The following RALGPS1 variants were observed in gnomAD, a reference collection of about 807,000 sequenced individuals.
The protein encoded by RALGPS1 is ras-specific guanine nucleotide-releasing factor RalGPS1.
RALGPS1 carries 19 observed loss-of-function variants against 78.8 expected under a neutral mutation model. That is an observed-to-expected ratio of 0.24 (90% CI 0.17 to 0.35). The LOEUF is 0.35. Among genes scored for constraint, RALGPS1 ranks in the 10% least tolerant of loss-of-function variants. RALGPS1 has a pLI of 1.00. For missense variants in RALGPS1, 454 were observed against 688.3 expected, an observed-to-expected ratio of 0.66 and a Z score of 3.81; for synonymous variants, 228 against 256.3, an observed-to-expected ratio of 0.89 and a Z score of 1.06.
At chr9:126,974,120 A>C (rs1427897796) in intron 3 of RALGPS1, among the ~76,000 whole-genome samples, 1 of 152,198 alleles carries the variant, frequency 6.6e-6, no homozygotes, top group East Asian at 1.9e-4. Context: ...GTGATCCGCC[A>C]GCTTCAGCCT....
chr9:127,195,350 G>A, intron 12 of RALGPS1, 133 bp downstream of exon 12: 1 of 1,266,022 alleles, frequency 7.9e-7, no homozygotes, highest in Non-Finnish European at 1.1e-6. Flanking sequence ...GAGAGCTCTT[G>A]GAATCCTGGC....
intron 1 of RALGPS1, among the ~76,000 whole-genome samples, chr9:126,952,709 G>A (rs490577): frequency 2.0e-4 from 30 of 151,548 alleles, no homozygotes; most frequent in Admixed American, 1.6e-3. Context: ...GTGCGCATGT[G>A]CATGCGTGCA....
chr9:126,994,661 A>G (rs1357129124), intron 4 of RALGPS1, among the ~76,000 whole-genome samples: 1 of 152,228 alleles, frequency 6.6e-6, no homozygotes, highest in Non-Finnish European at 1.5e-5. Flanking sequence ...CAACATTCAA[A>G]TTCAGGAAAT....
intron 14 of RALGPS1, among the ~76,000 whole-genome samples, chr9:127,199,856 T>C (rs1233295817): frequency 6.6e-6 from 1 of 152,088 alleles, no homozygotes; most frequent in East Asian, 1.9e-4. Context: ...TGACACAGAA[T>C]GTCCAGGAAA....
Position 127,183,777 on chromosome 9 carries a change from G to T in RALGPS1, c.910+8995G>T, listed in dbSNP as rs1489699728. 1.8e-6 allele frequency: 2 copies of T among 1,120,940 alleles called. No individual in the cohort carries two copies. The highest frequency in any genetic ancestry group is 3.1e-5 in the African/African-American group (2 of 63,814). 69.4% of individuals were successfully genotyped at this position (1,120,940 alleles called of 1,614,324 possible). On this transcript the variant is annotated intron_variant, in intron 11 of 18. Coordinates refer to ENST00000259351, the MANE Select transcript of RALGPS1 (RefSeq NM_014636.3). The surrounding 1 kb of genome is among the most constrained non-coding windows in gnomAD (Gnocchi z 4.0). ...GCCCGTTTATATTTTCGGAATGGAT[G>T]GGTGGGAGGGGCCCTCCATGAGGAC... is the stretch of plus-strand genomic sequence containing the variant.
intron 5 of RALGPS1, 72 bp from the exon 6 acceptor site, chr9:127,049,971 G>A: frequency 9.1e-7 from 1 of 1,100,598 alleles, no homozygotes; most frequent in Non-Finnish European, 1.4e-6. Context: ...GGGCAAGGGG[G>A]ACACGGGTGG....
At chr9:127,070,954 T>C (rs939590807) in intron 8 of RALGPS1, among the ~76,000 whole-genome samples, 1 of 151,540 alleles carries the variant, frequency 6.6e-6, no homozygotes. Flanking sequence ...TTCCAGATTT[T>C]CAATATTACT....
chr9:127,171,471 C>T (rs1177997016), intron 10 of RALGPS1, among the ~76,000 whole-genome samples: 3 of 152,122 alleles, frequency 2.0e-5, no homozygotes, highest in African/African-American at 4.8e-5. Context: ...AAAAGAGGGC[C>T]GGGCACAGTG....
intron 3 of RALGPS1, among the ~76,000 whole-genome samples, chr9:126,969,760 A>G (rs1449493642): frequency 6.6e-6 from 1 of 152,214 alleles, no homozygotes; most frequent in Non-Finnish European, 1.5e-5. Context: ...GGTGAGACGC[A>G]GGGCCTGGTT....
chr9:127,103,260 A>G (rs1415990744), intron 8 of RALGPS1, among the ~76,000 whole-genome samples: 4 of 152,236 alleles, frequency 2.6e-5, no homozygotes, highest in African/African-American at 9.6e-5. Flanking sequence ...AAATCCATCT[A>G]GGAAAACACT....
chr9:126,950,622 A>G lies in RALGPS1; in HGVS notation c.-65-11603A>G, dbSNP rs541242552. Among the ~76,000 whole-genome samples the G allele has an allele frequency of 8.5e-3, 1,293 of 152,254 alleles. 7 individuals are homozygous for G. Among genetic ancestry groups the G allele is most frequent in the Non-Finnish European group, 0.014 (935 of 68,000 alleles). On this transcript the variant is annotated intron_variant, in intron 1 of 18. Coordinates refer to ENST00000259351, the MANE Select transcript of RALGPS1 (RefSeq NM_014636.3). Reference sequence around the variant, plus strand: ...AAGATGTTCTTTGAAACCAACGAGAACAAAGACACAACATACCAGAATCTC... The same window carrying G: ...AAGATGTTCTTTGAAACCAACGAGAGCAAAGACACAACATACCAGAATCTC...
At position 127,071,113 on chromosome 9, in the gene RALGPS1, C is replaced by CAT. The variant is rs79918276; in HGVS notation, c.610+1774_610+1775dup. Among the ~76,000 whole-genome samples the CAT allele has an allele frequency of 3.0e-3, 441 of 148,150 alleles. 3 individuals are homozygous for CAT. Among genetic ancestry groups the CAT allele is most frequent in the South Asian group, 0.01 (48 of 4,672 alleles). On this transcript the variant is annotated intron_variant, in intron 8 of 18. Coordinates refer to ENST00000259351, the MANE Select transcript of RALGPS1 (RefSeq NM_014636.3). ...TAAAACTAAAAAATACTAAAGCAAA[C>CAT]ATATATATATATATATATGGTTATA...
At chr9:127,020,020 A>G (rs895479007) in intron 4 of RALGPS1, among the ~76,000 whole-genome samples, 1 of 152,150 alleles carries the variant, frequency 6.6e-6, no homozygotes, top group Non-Finnish European at 1.5e-5. Flanking sequence ...GGAATTATCA[A>G]TATGCTTGTT....
At position 127,218,841 on chromosome 9, in the gene RALGPS1, C is replaced by T. The variant is rs1396938730; in HGVS notation, c.*72C>T. ...GCTGGGCCTGGTGGTGAAGAGCAGT[C>T]CTGGGCACAGGCTGTGAGCCAGGGT... On this transcript the variant is annotated 3_prime_UTR_variant, in exon 19 of 19. Coordinates refer to ENST00000259351, the MANE Select transcript of RALGPS1 (RefSeq NM_014636.3). The surrounding 1 kb of genome is among the most constrained non-coding windows in gnomAD (Gnocchi z 4.4). The T allele has an allele frequency of 2.0e-6, 3 of 1,521,662 alleles. No individual in the cohort carries two copies. The highest frequency in any genetic ancestry group is 1.4e-5 in the African/African-American group (1 of 72,866). The allele number at this position is 1,521,662 out of a possible 1,614,324, so 94.3% of individuals were successfully genotyped here. A position where few individuals can be genotyped will look rare whatever the true frequency, so the allele number is the denominator to read the frequency against.
chr9:127,128,831 A>G (rs765266488), intron 8 of RALGPS1, among the ~76,000 whole-genome samples: 25 of 152,202 alleles, frequency 1.6e-4, no homozygotes, highest in Non-Finnish European at 3.1e-4. Context: ...GTCACAAAGG[A>G]TATCCAGGCA....
At chr9:127,059,471 T>C (rs2049018151) in intron 7 of RALGPS1, among the ~76,000 whole-genome samples, 2 of 152,216 alleles carry the variant, frequency 1.3e-5, no homozygotes, top group African/African-American at 4.8e-5. Flanking sequence ...CAATGGACAC[T>C]GTTCATAACT....
chr9:127,220,774 T>G lies in RALGPS1; in HGVS notation c.*2005T>G, dbSNP rs2062752445. 1 of 152,458 alleles carries G rather than the reference T, an allele frequency of 6.6e-6. No homozygotes were observed. Among genetic ancestry groups the G allele is most frequent in the Non-Finnish European group, 1.5e-5 (1 of 68,042 alleles). The allele number at this position is 152,458 out of a possible 1,614,324, so 9.4% of individuals were successfully genotyped here. On this transcript the variant is annotated 3_prime_UTR_variant, in exon 19 of 19. Transcript: ENST00000259351. Reference sequence around the variant, plus strand: ...TGGAACATCAACTACCTATTTTCCTTGGGTTTTTCCACTCTGCAAACTGTC... The same window carrying G: ...TGGAACATCAACTACCTATTTTCCTGGGGTTTTTCCACTCTGCAAACTGTC...
intron 10 of RALGPS1, among the ~76,000 whole-genome samples, chr9:127,173,174 T>C (rs540617128): frequency 6.6e-6 from 1 of 152,332 alleles, no homozygotes; most frequent in East Asian, 1.9e-4. Context: ...AAGGCCTATG[T>C]TGGAGTTTCC....
At chr9:127,027,099 G>A (rs1440278870) in intron 4 of RALGPS1, among the ~76,000 whole-genome samples, 1 of 152,168 alleles carries the variant, frequency 6.6e-6, no homozygotes, top group African/African-American at 2.4e-5. Flanking sequence ...GCCCCTTCCT[G>A]GCATAGTCTA....
Sources: gnomAD v4.1 joint callset for allele counts (sites outside exome capture counted in the v4.1 genomes callset) on GRCh38, gnomAD v4.1.1 for gene constraint, Gnocchi (gnomAD v3.1) non-coding constraint, MANE v1.5 for transcripts, NCBI Gene and HGNC (gene_info 2026-07-23, HGNC 2026-07-21) for gene names.